The following FGF14 variants were observed in gnomAD, a reference collection of about 807,000 sequenced individuals.
FGF14 encodes fibroblast growth factor homologous factor 4.
A neutral mutation model predicts 25.5 loss-of-function variants in FGF14; 5 were observed. The observed-to-expected ratio is 0.20, with a 90% CI of 0.10 to 0.41. The LOEUF (loss-of-function observed/expected upper bound fraction) is 0.41, where lower values mean the gene tolerates loss of function less well. FGF14 is among the 10% of genes least tolerant of loss of function. FGF14 has a pLI of 1.00. For synonymous variants in FGF14, 138 were observed against 118.3 expected (o/e 1.17, Z -1.08); for missense variants, 222 against 320.1 (o/e 0.69, Z 2.34).
At chr13:102,340,210 T>C (rs982586950) in intron 1 of FGF14, among the ~76,000 whole-genome samples, 7 of 152,222 alleles carry the variant, frequency 4.6e-5, no homozygotes, top group Admixed American at 3.3e-4. Flanking sequence ...TGCAATGTTT[T>C]CAGATTCAAA....
At chr13:101,935,445 GT>G (rs1183038606) in intron 1 of FGF14, among the ~76,000 whole-genome samples, 5 of 152,000 alleles carry the variant, frequency 3.3e-5, no homozygotes, top group African/African-American at 1.2e-4. Context: ...ATAATCCCCT[GT>G]GTCATGGGAA....
chr13:102,057,288 A>G lies in FGF14; in HGVS notation c.209-181992T>C, dbSNP rs1457313. ...GCTAAATTTTAGTCATAAAAATCTT[A>G]TAGTTTAATGAATATTTTACAAATT... On this transcript the variant is annotated intron_variant, in intron 1 of 4. Transcript: ENST00000376131. 8.4e-3 allele frequency among the ~76,000 whole-genome samples: 1,273 copies of G among 152,296 alleles called. 16 individuals carry two copies. Among genetic ancestry groups the G allele is most frequent in the African/African-American group, 0.029 (1,199 of 41,580 alleles).
chr13:101,905,161 G>T (rs2032078842), intron 1 of FGF14, among the ~76,000 whole-genome samples: 1 of 152,090 alleles, frequency 6.6e-6, no homozygotes, highest in African/African-American at 2.4e-5. Context: ...CTGCAGGGTG[G>T]CCATCATTTG....
At chr13:102,080,548 T>G (rs1347197713) in intron 1 of FGF14, among the ~76,000 whole-genome samples, 1 of 152,228 alleles carries the variant, frequency 6.6e-6, no homozygotes, top group Non-Finnish European at 1.5e-5. Context: ...ATCACTCTCT[T>G]GATTCTCTAC....
chr13:101,756,722 G>C (rs1398818786), intron 3 of FGF14, among the ~76,000 whole-genome samples: 1 of 152,110 alleles, frequency 6.6e-6, no homozygotes, highest in African/African-American at 2.4e-5. Flanking sequence ...GACAGAGCAA[G>C]ACTCCTTCCT....
At chr13:102,098,467 G>A (rs1423195490) in intron 1 of FGF14, among the ~76,000 whole-genome samples, 2 of 152,122 alleles carry the variant, frequency 1.3e-5, no homozygotes, top group African/African-American at 4.8e-5. Context: ...GGCAGTGTGT[G>A]ACAGTTTAAG....
chr13:102,161,508 G>A (rs1158846810), intron 1 of FGF14, among the ~76,000 whole-genome samples: 1 of 151,442 alleles, frequency 6.6e-6, no homozygotes, highest in African/African-American at 2.4e-5. Context: ...TGCAAATGAA[G>A]GAAAACTCTT....
At chr13:102,155,436 C>A (rs1255132313) in intron 1 of FGF14, among the ~76,000 whole-genome samples, 3 of 152,136 alleles carry the variant, frequency 2.0e-5, no homozygotes, top group Non-Finnish European at 4.4e-5. Context: ...GAAATGAAGG[C>A]AGAAATAAAG....
chr13:101,945,584 T>C (rs1206891559), intron 1 of FGF14, among the ~76,000 whole-genome samples: 1 of 152,096 alleles, frequency 6.6e-6, no homozygotes, highest in Non-Finnish European at 1.5e-5. Context: ...ATAAAGCAAC[T>C]CTTGTGTCTG....
intron 1 of FGF14, among the ~76,000 whole-genome samples, chr13:102,106,296 C>T (rs749043421): frequency 6.6e-6 from 1 of 152,082 alleles, no homozygotes; most frequent in Non-Finnish European, 1.5e-5. Context: ...CTTGGCCAGG[C>T]GCAGTGCCTC....
chr13:101,785,556 C>A (rs2039763887), intron 3 of FGF14, among the ~76,000 whole-genome samples: 1 of 152,054 alleles, frequency 6.6e-6, no homozygotes. Context: ...CTGGGTACTA[C>A]AAGTTAAACT....
intron 3 of FGF14, among the ~76,000 whole-genome samples, chr13:101,824,210 C>T (rs919829496): frequency 1.3e-5 from 2 of 152,098 alleles, no homozygotes; most frequent in Non-Finnish European, 1.5e-5. Flanking sequence ...ATACTTTCTA[C>T]TAGAAGGTCA....
chr13:101,870,675 A>T (rs1372963688), intron 2 of FGF14, among the ~76,000 whole-genome samples: 2 of 152,200 alleles, frequency 1.3e-5, no homozygotes, highest in African/African-American at 4.8e-5. Context: ...TATAAAATAC[A>T]AGGTATTGGC....
chr13:101,986,023 A>G (rs1172467530), intron 1 of FGF14, among the ~76,000 whole-genome samples: 1 of 152,146 alleles, frequency 6.6e-6, no homozygotes, highest in Non-Finnish European at 1.5e-5. Flanking sequence ...TGAAAATCCA[A>G]TTTCAAGGTT....
At position 102,034,748 on chromosome 13, in the gene FGF14, G is replaced by A. The variant is rs553942940; in HGVS notation, c.209-159452C>T. Among the ~76,000 whole-genome samples, 17 of 152,184 alleles carry A rather than the reference G, an allele frequency of 1.1e-4. No individual in the cohort carries two copies. In the South Asian group the frequency reaches 3.3e-3, roughly 30 times the overall value. ...CTAGTCCTGGTCCTGCCCCTCACAG[G>A]GATGTTGGTGGCATTAGATGATGGC... is the stretch of plus-strand genomic sequence containing the variant. On this transcript the variant is annotated intron_variant, in intron 1 of 4. Transcript: ENST00000376131.
At chr13:102,311,263 T>C (rs1026219412) in intron 1 of FGF14, among the ~76,000 whole-genome samples, 23 of 152,112 alleles carry the variant, frequency 1.5e-4, no homozygotes, top group Non-Finnish European at 7.4e-5. Flanking sequence ...TCACACTGCA[T>C]TAGGAGTTTC....
At position 101,777,474 on chromosome 13, in the gene FGF14, T is replaced by A. The variant is rs540774276; in HGVS notation, c.409-50664A>T. On this transcript the variant is annotated intron_variant, in intron 3 of 4. Transcript: ENST00000376143. Reference sequence around the variant, plus strand: ...CCAGGGCTGTCACCAAAACCCAGGTTTGACATCTGAATTTAACTGACACTG... The same window carrying A: ...CCAGGGCTGTCACCAAAACCCAGGTATGACATCTGAATTTAACTGACACTG... Among the ~76,000 whole-genome samples the A allele has an allele frequency of 2.1e-4, 32 of 152,258 alleles. 2 individuals are homozygous for A. The South Asian group carries it at 5.2e-3, about 25-fold the overall frequency.
At chr13:101,997,400 A>G (rs1157979425) in intron 1 of FGF14, among the ~76,000 whole-genome samples, 1 of 152,216 alleles carries the variant, frequency 6.6e-6, no homozygotes, top group Admixed American at 6.5e-5. Flanking sequence ...CAATCACAAG[A>G]CAACTATGTC....
intron 1 of FGF14, among the ~76,000 whole-genome samples, chr13:102,363,497 T>G (rs2057624084): frequency 6.6e-6 from 1 of 152,192 alleles, no homozygotes; most frequent in African/African-American, 2.4e-5. Flanking sequence ...TAAAGTGCTC[T>G]AAAAATGTAG....
Sources: allele counts gnomAD v4.1 joint callset (sites outside exome capture counted in the v4.1 genomes callset), GRCh38; gene constraint gnomAD v4.1.1; transcripts MANE v1.5; gene names NCBI Gene and HGNC (gene_info 2026-07-23, HGNC 2026-07-21).